AEBP2: variants seen among roughly 807,000 people sequenced by gnomAD.
AEBP2 encodes the protein zinc finger protein AEBP2.
Under a neutral mutation model 50.8 loss-of-function variants are expected in AEBP2, and 10 were observed. The observed-to-expected ratio is 0.20, with a 90% CI of 0.12 to 0.33. The LOEUF is 0.33. Among genes scored for constraint, AEBP2 ranks in the 10% least tolerant of loss-of-function variants. The pLI, the probability that AEBP2 is intolerant of heterozygous loss-of-function variation, is 1.00. For synonymous variants in AEBP2, 296 were observed against 261.3 expected (o/e 1.13, Z -1.28); for missense variants, 570 against 688.0 (o/e 0.83, Z 1.92).
chr12:19,485,232 A>C (rs1948788762), intron 3 of AEBP2, among the ~76,000 whole-genome samples: 1 of 152,196 alleles, frequency 6.6e-6, no homozygotes, highest in South Asian at 2.1e-4. Flanking sequence ...CTCTTCTAGA[A>C]ACTGTAGACG....
chr12:19,443,582 G>T (rs1431648622), intron 1 of AEBP2, among the ~76,000 whole-genome samples: 1 of 151,952 alleles, frequency 6.6e-6, no homozygotes, highest in South Asian at 2.1e-4. Flanking sequence ...AATGAGCCAG[G>T]CATGGTGGTG....
intron 1 of AEBP2, among the ~76,000 whole-genome samples, chr12:19,407,906 C>G (rs2095737179): frequency 6.6e-6 from 1 of 151,788 alleles, no homozygotes; most frequent in Non-Finnish European, 1.5e-5. Flanking sequence ...AAAAACTTAT[C>G]CCGGCTAGGT....
At chr12:19,500,330 T>C in intron 5 of AEBP2, 109 bp downstream of exon 5, 1 of 1,091,166 alleles carries the variant, frequency 9.2e-7, no homozygotes, top group Non-Finnish European at 1.2e-6. Flanking sequence ...TTAACAGAAA[T>C]CACAAAACCT....
chr12:19,476,346 G>T (rs1214457657), intron 3 of AEBP2, among the ~76,000 whole-genome samples: 1 of 151,788 alleles, frequency 6.6e-6, no homozygotes, highest in Non-Finnish European at 1.5e-5. Flanking sequence ...ATGGTTTTTA[G>T]TTTTTATTTT....
chr12:19,443,584 A>G lies in AEBP2; in HGVS notation c.671+3214A>G, dbSNP rs1016611068. Among the ~76,000 whole-genome samples the G allele has an allele frequency of 9.2e-5, 14 of 152,016 alleles. No homozygotes were observed. In the South Asian group the frequency reaches 1.5e-3, roughly 16 times the overall value. On this transcript the variant is annotated intron_variant, in intron 1 of 7. Transcript: ENST00000266508. ...AAAAATACAAAAAAATGAGCCAGGC[A>G]TGGTGGTGCAGGCATGTAATCCCAG... is the stretch of plus-strand genomic sequence containing the variant.
chr12:19,461,447 T>G (rs1948376377), intron 1 of AEBP2, among the ~76,000 whole-genome samples: 1 of 152,224 alleles, frequency 6.6e-6, no homozygotes, highest in South Asian at 2.1e-4. Context: ...CTTTATTTTA[T>G]TTTTTGAGAT....
intron 1 of AEBP2, among the ~76,000 whole-genome samples, chr12:19,408,725 C>G (rs547909622): frequency 6.6e-5 from 10 of 151,764 alleles, no homozygotes; most frequent in African/African-American, 2.4e-4. Context: ...CGTGGTGAAA[C>G]CCCGTCTCTA....
At position 19,514,576 on chromosome 12, in the gene AEBP2, T is replaced by G. The variant is rs977338511; in HGVS notation, c.1368-95T>G. ...AACTTGTTCACTTAACGTGGACTGA[T>G]CAAAGTAGCAGAAAATGCCAGAATG... On this transcript the variant is annotated intron_variant, in intron 6 of 7. Coordinates refer to ENST00000266508, the MANE Select transcript of AEBP2 (RefSeq NM_153207.5). 4 of 961,184 alleles carry G rather than the reference T, an allele frequency of 4.2e-6. No homozygotes were observed. The African/African-American group carries it at 6.6e-5, about 16-fold the overall frequency. The allele number at this position is 961,184 out of a possible 1,614,324, so 59.5% of individuals were successfully genotyped here. A position where few individuals can be genotyped will look rare whatever the true frequency, so the allele number is the denominator to read the frequency against.
upstream of AEBP2, among the ~76,000 whole-genome samples, chr12:19,436,813 T>A (rs1322673672): frequency 2.6e-5 from 4 of 152,120 alleles, no homozygotes; most frequent in Non-Finnish European, 5.9e-5. Context: ...TTGCTCAGGC[T>A]GGTCTCGAAC....
At position 19,445,943 on chromosome 12, in the gene AEBP2, A is replaced by G. The variant is rs1948055837; in HGVS notation, c.671+5573A>G. 4 of 152,320 alleles carry G rather than the reference A, an allele frequency of 2.6e-5. No homozygotes were observed. In the South Asian group the frequency reaches 8.3e-4, roughly 32 times the overall value. The allele number at this position is 152,320 out of a possible 1,614,324, so 9.4% of individuals were successfully genotyped here. A position where few individuals can be genotyped will look rare whatever the true frequency, so the allele number is the denominator to read the frequency against. On this transcript the variant is annotated intron_variant, in intron 1 of 7. Transcript: ENST00000266508. Reference sequence around the variant, plus strand: ...TAGCTGAACGTACATATTAAAAACAATTAGAAAAGAAATGGAATGCTTCAT... The same window carrying G: ...TAGCTGAACGTACATATTAAAAACAGTTAGAAAAGAAATGGAATGCTTCAT...
chr12:19,484,393 C>T (rs1050464345), intron 3 of AEBP2, among the ~76,000 whole-genome samples: 1 of 150,674 alleles, frequency 6.6e-6, no homozygotes, highest in African/African-American at 2.4e-5. Flanking sequence ...TTTTTTGAGA[C>T]GGAGTCTTGC....
intron 7 of AEBP2, among the ~76,000 whole-genome samples, chr12:19,515,903 C>T (rs1949310259): frequency 6.6e-6 from 1 of 151,980 alleles, no homozygotes. Context: ...AGTTCGAGAC[C>T]AGCCTCGGCA....
At chr12:19,417,143 A>G (rs2095743067) in intron 1 of AEBP2, among the ~76,000 whole-genome samples, 1 of 152,006 alleles carries the variant, frequency 6.6e-6, no homozygotes, top group African/African-American at 2.4e-5. Flanking sequence ...AAGTGCTGGG[A>G]TTACAGGCGT....
chr12:19,516,264 T>A (rs555448213), intron 7 of AEBP2, among the ~76,000 whole-genome samples: 22 of 152,316 alleles, frequency 1.4e-4, no homozygotes, highest in Admixed American at 5.9e-4. Context: ...TGTTGTTGAT[T>A]TATTTGTACC....
chr12:19,499,158 A>G (rs1230605590), intron 4 of AEBP2, among the ~76,000 whole-genome samples: 1 of 152,232 alleles, frequency 6.6e-6, no homozygotes, highest in Non-Finnish European at 1.5e-5. Flanking sequence ...AATAATCCAC[A>G]GTGTAATGCA....
chr12:19,510,906 C>G (rs372022737), intron 5 of AEBP2, among the ~76,000 whole-genome samples: 161 of 112,392 alleles, frequency 1.4e-3, no homozygotes, highest in Admixed American at 3.9e-3. Flanking sequence ...TGTTGCTCAG[C>G]CTGGAGTGCA....
rs895933693 is a variant in AEBP2, at chr12:19,445,877, A to G, written c.671+5507A>G. ...TTTTAATATGTACGTGCAGCTAGTTATAAAAAAATATAACTAGCTTTCTTT... is the reference window on the plus strand; with the variant it reads ...TTTTAATATGTACGTGCAGCTAGTTGTAAAAAAATATAACTAGCTTTCTTT... On this transcript the variant is annotated intron_variant, in intron 1 of 7. Coordinates refer to ENST00000266508, the MANE Select transcript of AEBP2 (RefSeq NM_153207.5). 10 of 151,606 alleles carry G rather than the reference A, an allele frequency of 6.6e-5. No individual in the cohort carries two copies. In the Admixed American group the frequency reaches 6.7e-4, roughly 10 times the overall value. The allele number at this position is 151,606 out of a possible 1,614,324, so 9.4% of individuals were successfully genotyped here. A position where few individuals can be genotyped will look rare whatever the true frequency, so the allele number is the denominator to read the frequency against.
upstream of AEBP2, among the ~76,000 whole-genome samples, chr12:19,435,795 CT>C (rs374522443): frequency 1.3e-5 from 2 of 152,254 alleles, no homozygotes; most frequent in East Asian, 3.9e-4. Context: ...TTTCATGAAG[CT>C]TTCCTTGATT....
At chr12:19,440,675 G>C in intron 1 of AEBP2, 1 of 1,533,034 alleles carries the variant, frequency 6.5e-7, no homozygotes, top group Non-Finnish European at 8.7e-7. Flanking sequence ...AACGGGCCCA[G>C]ATCCTCTGGC....
Sources: gnomAD v4.1 joint callset for allele counts (sites outside exome capture counted in the v4.1 genomes callset) on GRCh38, gnomAD v4.1.1 for gene constraint, MANE v1.5 for transcripts, NCBI Gene and HGNC (gene_info 2026-07-23, HGNC 2026-07-21) for gene names.